Variants in NELL1 observed in about 807,000 individuals in gnomAD.
The protein encoded by NELL1 is protein kinase C-binding protein NELL1.
NELL1 carries 76 observed loss-of-function variants against 107.4 expected under a neutral mutation model. That is an observed-to-expected ratio of 0.71 (90% confidence interval 0.59 to 0.86). The LOEUF is 0.86. Ranked by LOEUF, NELL1 falls within the 40% of genes least tolerant of loss-of-function variation. The pLI is 0.00. For synonymous variants in NELL1, 353 were observed against 341.2 expected (o/e 1.03, Z -0.38); for missense variants, 1,024 against 1,005.5 (o/e 1.02, Z -0.25).
intron 12 of NELL1, among the ~76,000 whole-genome samples, chr11:21,055,549 G>A (rs1482092046): frequency 6.6e-6 from 1 of 152,084 alleles, no homozygotes; most frequent in Admixed American, 6.6e-5. Flanking sequence ...GTGTCTTTGA[G>A]CATCTGGTTC....
At chr11:21,032,046 A>AAATAATAATAAT (rs373787726) in intron 12 of NELL1, among the ~76,000 whole-genome samples, 32 of 145,518 alleles carry the variant, frequency 2.2e-4, no homozygotes, top group South Asian at 6.5e-4. Context: ...CTCCATGTCA[A>AAATAATAATAAT]AATAATAATA....
At chr11:21,118,727 A>G (rs1350245832) in intron 13 of NELL1, among the ~76,000 whole-genome samples, 5 of 152,068 alleles carry the variant, frequency 3.3e-5, no homozygotes, top group Admixed American at 3.3e-4. Context: ...GTCTCTTCTC[A>G]AATCAATCAG....
chr11:20,849,459 T>C (rs1398871228), intron 4 of NELL1, among the ~76,000 whole-genome samples: 1 of 152,174 alleles, frequency 6.6e-6, no homozygotes, highest in Non-Finnish European at 1.5e-5. Flanking sequence ...ACTTTCATAC[T>C]CTGTATGTCC....
chr11:20,835,428 C>T (rs747084113), intron 3 of NELL1, among the ~76,000 whole-genome samples: 2 of 152,062 alleles, frequency 1.3e-5, no homozygotes, highest in African/African-American at 2.4e-5. Flanking sequence ...GAAAATGGGC[C>T]TTTACCTAGT....
intron 3 of NELL1, among the ~76,000 whole-genome samples, chr11:20,822,014 A>C (rs1259236496): frequency 6.6e-6 from 1 of 152,206 alleles, no homozygotes; most frequent in Non-Finnish European, 1.5e-5. Context: ...GGCTTCTACC[A>C]AGGATATTAA....
At chr11:20,763,305 G>A (rs949711688) in intron 2 of NELL1, among the ~76,000 whole-genome samples, 3 of 152,126 alleles carry the variant, frequency 2.0e-5, no homozygotes, top group Non-Finnish European at 4.4e-5. Flanking sequence ...GCCTGCATGG[G>A]GTTGTCCTAC....
At chr11:20,915,717 A>ATATATATATATATATATTTTTTTT in intron 5 of NELL1, among the ~76,000 whole-genome samples, 75 of 58,202 alleles carry the variant, frequency 1.3e-3, no homozygotes, top group African/African-American at 4.3e-3. Flanking sequence ...ATATATATAT[A>ATATATATATATATATATTTTTTTT]TTTTTTTTTT....
At chr11:20,983,075 G>C (rs2134246409) in intron 12 of NELL1, among the ~76,000 whole-genome samples, 1 of 152,268 alleles carries the variant, frequency 6.6e-6, no homozygotes, top group South Asian at 2.1e-4. Flanking sequence ...ATCTTGGTTT[G>C]GCTCCTGTTA....
At chr11:20,770,824 G>A (rs988199015) in intron 2 of NELL1, 3 of 152,184 alleles carry the variant, frequency 2.0e-5, no homozygotes, top group Non-Finnish European at 4.4e-5. Context: ...GTTCCTGCTG[G>A]TTCATCAGGG....
intron 5 of NELL1, among the ~76,000 whole-genome samples, chr11:20,887,952 T>G (rs116437910): frequency 0.022 from 3,401 of 152,134 alleles, 127 homozygotes; most frequent in African/African-American, 0.077. Context: ...AAAATGAAAT[T>G]AGCAGGTAAA....
At chr11:20,981,177 A>G (rs1851741259) in intron 12 of NELL1, among the ~76,000 whole-genome samples, 1 of 152,220 alleles carries the variant, frequency 6.6e-6, no homozygotes, top group Admixed American at 6.5e-5. Context: ...ATTTTGAAGT[A>G]TTTTGCCAGA....
chr11:21,371,083 T>A (rs1851350193), intron 15 of NELL1, 135 bp downstream of exon 15: 1 of 641,568 alleles, frequency 1.6e-6, no homozygotes, highest in South Asian at 2.2e-5. Flanking sequence ...TGGATGGAGC[T>A]CTCCCAAAGT....
At chr11:21,567,453 CAT>C (rs35550259) in intron 17 of NELL1, among the ~76,000 whole-genome samples, 63,528 of 151,486 alleles carry the variant, frequency 0.42, 14,297 homozygotes, top group Non-Finnish European at 0.51. Flanking sequence ...TCTATATACA[CAT>C]GTTTGCATAC....
At chr11:21,280,297 C>G (rs1848964294) in intron 14 of NELL1, among the ~76,000 whole-genome samples, 1 of 152,102 alleles carries the variant, frequency 6.6e-6, no homozygotes, top group Non-Finnish European at 1.5e-5. Context: ...GAAGGCTGTA[C>G]CAATCGTTCC....
chr11:21,303,070 C>CTCTATATCTATA (rs3993104), intron 14 of NELL1, among the ~76,000 whole-genome samples: 33,257 of 147,422 alleles, frequency 0.23, 4,489 homozygotes, highest in Non-Finnish European at 0.31. Context: ...CTCTCTTTTG[C>CTCTATATCTATA]TCTATATCTA....
intron 12 of NELL1, among the ~76,000 whole-genome samples, chr11:20,993,698 G>A (rs912344487): frequency 2.0e-5 from 3 of 152,072 alleles, no homozygotes; most frequent in Non-Finnish European, 4.4e-5. Flanking sequence ...TTAATAAAAT[G>A]TAAATACTTT....
intron 6 of NELL1, 93 bp downstream of exon 6, chr11:20,918,347 A>C: frequency 1.3e-6 from 1 of 761,190 alleles, no homozygotes. Context: ...AATTGTTTAC[A>C]GTGTTGACTT....
rs1356295 is a variant in NELL1 at position 21,022,399 on chromosome 11, T to A, written c.1300+61839T>A. Among the ~76,000 whole-genome samples the A allele has an allele frequency of 2.0e-5, 3 of 152,218 alleles. No individual in the cohort carries two copies. The East Asian group carries it at 5.8e-4, about 30-fold the overall frequency. Reference sequence around the variant, plus strand: ...GTTTTGGGGGAGATGCTCAAAACTTTGTAATTGCATAAAAGGAAATTAGGC... The same window carrying A: ...GTTTTGGGGGAGATGCTCAAAACTTAGTAATTGCATAAAAGGAAATTAGGC... On this transcript the variant is annotated intron_variant, in intron 12 of 19. Transcript: ENST00000357134.
At chr11:20,866,995 G>A (rs1295470019) in intron 4 of NELL1, among the ~76,000 whole-genome samples, 1 of 152,166 alleles carries the variant, frequency 6.6e-6, no homozygotes, top group Non-Finnish European at 1.5e-5. Flanking sequence ...GCTATGTTGG[G>A]CACAAGACAG....
Sources: allele counts gnomAD v4.1 joint callset (sites outside exome capture counted in the v4.1 genomes callset), GRCh38; gene constraint gnomAD v4.1.1; transcripts MANE v1.5; gene names NCBI Gene and HGNC (gene_info 2026-07-23, HGNC 2026-07-21).